Variants in RAVER1 observed in about 807,000 individuals in gnomAD.
RAVER1 encodes ribonucleoprotein PTB-binding 1.
In RAVER1, 36 loss-of-function variants were observed where a neutral mutation model predicts 68.4. That is an observed-to-expected ratio of 0.53 (90% CI 0.40 to 0.70). The LOEUF (loss-of-function observed/expected upper bound fraction) is 0.70, where lower values mean the gene tolerates loss of function less well. Among genes scored for constraint, RAVER1 ranks in the 30% least tolerant of loss-of-function variants. The probability of loss-of-function intolerance (pLI) is 0.00; values close to 1 mark genes in which losing one functional copy is unlikely to be tolerated. For synonymous variants in RAVER1, 469 were observed against 472.7 expected (o/e 0.99, Z 0.10); for missense variants, 933 against 1,019.8 (o/e 0.91, Z 1.16).
At chr19:10,330,363 C>G (rs1012451109) in intron 2 of RAVER1, 97 bp downstream of exon 2, 6 of 654,724 alleles carry the variant, frequency 9.2e-6, no homozygotes, top group African/African-American at 3.6e-5. Flanking sequence ...GGGGGCAATA[C>G]TGGGCCTGAA....
rs571819709 is a variant in RAVER1 at position 10,317,667 on chromosome 19, A to C, written c.2073+23T>G. ...GGGGGCCGGGGCTTCCCAGCCCTGCATGTCCCCACCCCCTGCCCGTACCTT... is the reference window on the plus strand; with the variant it reads ...GGGGGCCGGGGCTTCCCAGCCCTGCCTGTCCCCACCCCCTGCCCGTACCTT... On this transcript the variant is annotated intron_variant, in intron 12 of 12. Coordinates refer to ENST00000617231, the MANE Select transcript of RAVER1 (RefSeq NM_133452.3). This position sits in a 1 kb window ranked among gnomAD's most constrained non-coding sequence, Gnocchi z 4.3. The C allele has an allele frequency of 7.6e-5, 118 of 1,550,310 alleles. 1 individual carries two copies. In the East Asian group the frequency reaches 2.1e-3, roughly 27 times the overall value.
At chr19:10,331,786 T>A (rs1004149104) in intron 1 of RAVER1, among the ~76,000 whole-genome samples, 26 of 151,558 alleles carry the variant, frequency 1.7e-4, no homozygotes, top group Non-Finnish European at 3.8e-4. Flanking sequence ...ACTCTGTAAG[T>A]GAAGTATTAA....
rs1415237507 is a variant in RAVER1, at chr19:10,322,564, C to A, written c.1173+81G>T. 2.8e-6 allele frequency: 3 copies of A among 1,052,972 alleles called. No individual in the cohort carries two copies. The highest frequency in any genetic ancestry group is 2.7e-6 in the Non-Finnish European group (2 of 742,620). The allele number at this position is 1,052,972 out of a possible 1,614,324, so 65.2% of individuals were successfully genotyped here. A position where few individuals can be genotyped will look rare whatever the true frequency, so the allele number is the denominator to read the frequency against. The stretch of plus-strand genomic sequence containing the variant: ...CCCAGGGCACAGCCAGAGGTCCCCC[C>A]ACCCCACCGATCGCACCAGCTGTGT... On this transcript the variant is annotated intron_variant, in intron 6 of 12. Coordinates refer to ENST00000617231, the MANE Select transcript of RAVER1 (RefSeq NM_133452.3). This position sits in a 1 kb window ranked among gnomAD's most constrained non-coding sequence, Gnocchi z 4.3.
chr19:10,331,387 C>CA lies in RAVER1; in HGVS notation c.220-862dup, dbSNP rs1568314181. 1.1e-3 allele frequency among the ~76,000 whole-genome samples: 48 copies of CA among 44,548 alleles called. 1 individual carries two copies. The highest frequency in any genetic ancestry group is 1.2e-3 in the African/African-American group (13 of 10,566). The allele number at this position is 44,548 out of a possible 152,430, so 29.2% of individuals were successfully genotyped here. ...AAAAAAAAAAAAAAAAAAAAAATAA[C>CA]AACAACAAAAAAAAAAAAAAAAAAA... is the stretch of plus-strand genomic sequence containing the variant. On this transcript the variant is annotated intron_variant, in intron 1 of 12. Coordinates refer to ENST00000617231, the MANE Select transcript of RAVER1 (RefSeq NM_133452.3).
rs866463538 is a variant in RAVER1, at chr19:10,333,464, G to A, written c.44C>T (p.Pro15Leu). The change falls in exon 1 of 13, where the codon CCT becomes CTT. Residue 15 changes from proline (P) to leucine (L), a missense_variant. Physicochemically the swap from Pro to Leu is moderately conservative, Grantham distance 98. This residue lies in a region of RAVER1 where 211 missense variants were observed against 230.0 expected (regional missense o/e 0.92). Transcript: ENST00000617231. The surrounding 1 kb of genome is among the most constrained non-coding windows in gnomAD (Gnocchi z 4.2). ...VSVTHRPPLS[P>L]KSGAEVEAGD... is the part of the protein sequence containing the mutation. ...GGCTTCGACTTCGGCCCCAGACTTAGGGCTCAGCGGGGGCCGGTGAGTAAC... is the reference window on the plus strand; with the variant it reads ...GGCTTCGACTTCGGCCCCAGACTTAAGGCTCAGCGGGGGCCGGTGAGTAAC... 2.5e-6 allele frequency: 4 copies of A among 1,611,014 alleles called. No individual in the cohort carries two copies. Among genetic ancestry groups the A allele is most frequent in the Middle Eastern group, 3.3e-4 (2 of 6,072 alleles).
intron 9 of RAVER1, among the ~76,000 whole-genome samples, chr19:10,319,820 TTATAATA>T (rs901213408): frequency 8.0e-4 from 119 of 149,492 alleles, no homozygotes; most frequent in Non-Finnish European, 1.4e-3. Flanking sequence ...ATTATATATT[TTATAATA>T]TATAATTTCT....
Position 10,328,813 on chromosome 19 carries a change from G to A in RAVER1, c.585C>T (p.Gly195=). ...SAARAKSDLL[G]KPLGPRTLYV... ...AGAGGGTGCGTGGTCCCAGCGGCTTGCCCAGCAGGTCCGACTTGGCACGGG... is the reference window on the plus strand; with the variant it reads ...AGAGGGTGCGTGGTCCCAGCGGCTTACCCAGCAGGTCCGACTTGGCACGGG... The change falls in exon 3 of 13, where the codon GGC becomes GGT. Residue 195 remains glycine (G), a synonymous_variant. Coordinates refer to ENST00000617231, the MANE Select transcript of RAVER1 (RefSeq NM_133452.3). This position sits in a 1 kb window ranked among gnomAD's most constrained non-coding sequence, Gnocchi z 4.4. 1.2e-6 allele frequency: 2 copies of A among 1,603,702 alleles called. No individual in the cohort carries two copies. Among genetic ancestry groups the A allele is most frequent in the Non-Finnish European group, 1.7e-6 (2 of 1,177,014 alleles).
Position 10,330,474 on chromosome 19 carries a change from T to C in RAVER1, c.272A>G (p.Lys91Arg), listed in dbSNP as rs983293213. The C allele has an allele frequency of 8.5e-6, 13 of 1,528,630 alleles. No homozygotes were observed. Among genetic ancestry groups the C allele is most frequent in the Non-Finnish European group, 1.2e-5 (13 of 1,116,468 alleles). 94.7% of individuals were successfully genotyped at this position (1,528,630 alleles called of 1,614,324 possible). A position where few individuals can be genotyped will look rare whatever the true frequency, so the allele number is the denominator to read the frequency against. Residue 91 changes from lysine to arginine, a missense_variant, in exon 2 of 13, where the codon AAA (lysine) becomes AGA (arginine). Around this residue, in one of 3 missense-constraint regions of RAVER1, gnomAD observed 211 missense variants for 230.0 expected, o/e 0.92. Coordinates refer to ENST00000617231, the MANE Select transcript of RAVER1 (RefSeq NM_133452.3). ...DYELKYCFVDKYKGTAFVTLL... is the reference protein window; with the variant it reads ...DYELKYCFVDRYKGTAFVTLL... ...GCCCCACAAACCTGTCCCTTTGTAT[T>C]TGTCCACAAAACAGTATTTGAGCTC...
chr19:10,321,201 T>A lies in RAVER1; in HGVS notation c.1320A>T (p.Pro440=), dbSNP rs914415338. Residue 440 remains proline, a synonymous_variant, in exon 8 of 13, where the codon CCA becomes CCT. Transcript: ENST00000617231. ...PRRGKPPPLL[P]SVLGPAGGDR... is the part of the protein sequence containing the mutation. ...CACCCCCAGCAGGGCCAAGCACGGA[T>A]GGCAGCAGGGGTGGTGGCTTCCCTC... is the stretch of plus-strand genomic sequence containing the variant. 7.8e-7 allele frequency: 1 copy of A among 1,279,736 alleles called. No homozygotes were observed. Among genetic ancestry groups the A allele is most frequent in the East Asian group, 3.1e-5 (1 of 31,748 alleles). The allele number at this position is 1,279,736 out of a possible 1,614,324, so 79.3% of individuals were successfully genotyped here. A position where few individuals can be genotyped will look rare whatever the true frequency, so the allele number is the denominator to read the frequency against.
rs777538806 is a variant in RAVER1, at chr19:10,329,004, C to A, written c.394G>T (p.Ala132Ser). 1.9e-6 allele frequency: 3 copies of A among 1,579,624 alleles called. No homozygotes were observed. The highest frequency in any genetic ancestry group is 4.5e-5 in the East Asian group (2 of 44,064). The change falls in exon 3 of 13, where the codon GCC becomes TCC. Residue 132 changes from alanine (A) to serine (S), a missense_variant. By Grantham distance (99) the Ala-to-Ser change is moderately conservative. This residue lies in a region of RAVER1 where 211 missense variants were observed against 230.0 expected (regional missense o/e 0.92). Transcript: ENST00000617231. The surrounding 1 kb of genome is among the most constrained non-coding windows in gnomAD (Gnocchi z 4.6). ...ELSVQLQPTD[A>S]LLCVANLPPS... ...GGCAGGTTGGCCACACACAGCAGGG[C>A]ATCCGTGGGCTGCAGCTGCACCGAC...
chr19:10,322,545 G>A lies in RAVER1; in HGVS notation c.1173+100C>T. On this transcript the variant is annotated intron_variant, in intron 6 of 12. Coordinates refer to ENST00000617231, the MANE Select transcript of RAVER1 (RefSeq NM_133452.3). The surrounding 1 kb of genome is among the most constrained non-coding windows in gnomAD (Gnocchi z 4.3). ...CTCACCCTGGTTCTGCGCCCCCAGG[G>A]CACAGCCAGAGGTCCCCCCACCCCA... 1.2e-6 allele frequency: 1 copy of A among 863,430 alleles called. No individual in the cohort carries two copies. The highest frequency in any genetic ancestry group is 1.7e-6 in the Non-Finnish European group (1 of 573,606). 53.5% of individuals were successfully genotyped at this position (863,430 alleles called of 1,614,324 possible).
chr19:10,320,591 G>A (rs2040428650), intron 9 of RAVER1, 64 bp downstream of exon 9: 1 of 1,435,156 alleles, frequency 7.0e-7, no homozygotes, highest in Non-Finnish European at 9.4e-7. Flanking sequence ...GTCAATCCTA[G>A]AGAAATATCA....
rs913361981 is a variant in RAVER1, at chr19:10,322,572, C to T, written c.1173+73G>A. ...ACAGCCAGAGGTCCCCCCACCCCAC[C>T]GATCGCACCAGCTGTGTTGAAAAGA... On this transcript the variant is annotated intron_variant, in intron 6 of 12. Coordinates refer to ENST00000617231, the MANE Select transcript of RAVER1 (RefSeq NM_133452.3). This position sits in a 1 kb window ranked among gnomAD's most constrained non-coding sequence, Gnocchi z 4.3. 25 of 1,124,146 alleles carry T rather than the reference C, an allele frequency of 2.2e-5. No homozygotes were observed. Among genetic ancestry groups the T allele is most frequent in the Admixed American group, 3.4e-5 (1 of 29,400 alleles). The allele number at this position is 1,124,146 out of a possible 1,614,324, so 69.6% of individuals were successfully genotyped here.
Position 10,330,000 on chromosome 19 carries a change from G to A in RAVER1, c.286+460C>T, listed in dbSNP as rs571835152. ...TAGCCGGGCATGGTGGCACATGCCT[G>A]TAATCCCAGCTACTCGGGAGGCTGA... On this transcript the variant is annotated intron_variant, in intron 2 of 12. Transcript: ENST00000617231. The surrounding 1 kb of genome is among the most constrained non-coding windows in gnomAD (Gnocchi z 4.6). Among the ~76,000 whole-genome samples the A allele has an allele frequency of 6.6e-6, 1 of 152,110 alleles. No individual in the cohort carries two copies. The highest frequency in any genetic ancestry group is 2.4e-5 in the African/African-American group (1 of 41,506).
chr19:10,317,032 C>G lies in RAVER1; in HGVS notation c.*422G>C. 9.2e-6 allele frequency: 2 copies of G among 217,762 alleles called. No individual in the cohort carries two copies. Among genetic ancestry groups the G allele is most frequent in the South Asian group, 6.0e-5 (1 of 16,628 alleles). 13.5% of individuals were successfully genotyped at this position (217,762 alleles called of 1,614,324 possible). ...GAAAAATAAAACTTAGAAAAGGAAACAGAAGTCAGTTGTCAAAGTTAAAAA... is the reference window on the plus strand; with the variant it reads ...GAAAAATAAAACTTAGAAAAGGAAAGAGAAGTCAGTTGTCAAAGTTAAAAA... On this transcript the variant is annotated 3_prime_UTR_variant, in exon 13 of 13. Coordinates refer to ENST00000617231, the MANE Select transcript of RAVER1 (RefSeq NM_133452.3). The surrounding 1 kb of genome is among the most constrained non-coding windows in gnomAD (Gnocchi z 4.3).
Position 10,329,100 on chromosome 19 carries a change from G to A in RAVER1, c.298C>T (p.Leu100=), listed in dbSNP as rs1267994777. ...GCCTCGGCCTGCTCCCCATTCAGCA[G>A]GGTCACGAAGGCTGCGGTGGGAGGA... ...DKYKGTAFVT[L]LNGEQAEAAI... The change falls in exon 3 of 13, where the codon CTG becomes TTG. Residue 100 remains leucine, a synonymous_variant. Transcript: ENST00000617231. This position sits in a 1 kb window ranked among gnomAD's most constrained non-coding sequence, Gnocchi z 4.6. 2.0e-6 allele frequency: 3 copies of A among 1,477,784 alleles called. No homozygotes were observed. The South Asian group carries it at 4.2e-5, about 21-fold the overall frequency. 91.5% of individuals were successfully genotyped at this position (1,477,784 alleles called of 1,614,324 possible).
rs1568309726 is a variant in RAVER1, at chr19:10,318,376, T to C, written c.1846-4A>G. On this transcript the variant is annotated splice_region_variant and splice_polypyrimidine_tract_variant and intron_variant, in intron 10 of 12. Transcript: ENST00000617231. Reference sequence around the variant, plus strand: ...AGCCACTGGGCGGGGGGGACATCTGTAGAAGAAGGGCCGGTGGAGTGAAGC... The same window carrying C: ...AGCCACTGGGCGGGGGGGACATCTGCAGAAGAAGGGCCGGTGGAGTGAAGC... 1.3e-6 allele frequency: 2 copies of C among 1,591,958 alleles called. No individual in the cohort carries two copies. Among genetic ancestry groups the C allele is most frequent in the Admixed American group, 1.8e-5 (1 of 54,836 alleles).
At chr19:10,324,101 C>A (rs994088992) in intron 3 of RAVER1, among the ~76,000 whole-genome samples, 6 of 151,188 alleles carry the variant, frequency 4.0e-5, no homozygotes. Flanking sequence ...TTGCGGTGGG[C>A]CGAGATCGCG....
chr19:10,326,330 C>T (rs1264565294), intron 3 of RAVER1, among the ~76,000 whole-genome samples: 1 of 152,278 alleles, frequency 6.6e-6, no homozygotes, highest in African/African-American at 2.4e-5. Context: ...CCCGCACAGG[C>T]GGCCTGGTAC....
Sources: allele counts gnomAD v4.1 joint callset (sites outside exome capture counted in the v4.1 genomes callset), GRCh38; gene constraint gnomAD v4.1.1; regional missense constraint gnomAD v4.1.1; non-coding constraint Gnocchi (gnomAD v3.1); transcripts MANE v1.5; gene names NCBI Gene and HGNC (gene_info 2026-07-23, HGNC 2026-07-21).